MAMLD1: variants seen among roughly 807,000 people sequenced by gnomAD.
The protein encoded by MAMLD1 is mastermind-like domain-containing protein 1.
MAMLD1 carries 14 observed loss-of-function variants against 45.0 expected under a neutral mutation model. That is an observed-to-expected ratio of 0.31 (90% CI 0.21 to 0.49). MAMLD1 has a LOEUF of 0.49. Ranked by LOEUF, MAMLD1 falls within the 20% of genes least tolerant of loss-of-function variation. The pLI is 0.99. For synonymous variants in MAMLD1, 254 were observed against 247.8 expected (o/e 1.02, Z -0.24); for missense variants, 543 against 603.6 (o/e 0.90, Z 1.05).
Position 150,473,800 on chromosome X carries a change from A to G in MAMLD1, c.2038A>G (p.Ile680Val), listed in dbSNP as rs1557406714. Residue 680 changes from isoleucine (I) to valine (V), a missense_variant and splice_region_variant, in exon 5 of 8, where the codon ATT (isoleucine) becomes GTT (valine). Physicochemically the swap from Ile to Val is conservative, Grantham distance 29. Transcript: ENST00000370401. Reference sequence around the variant, plus strand: ...GCCTGGAGACGTGTCACCGTCTAACATTGTGAGCCTTTCTGTTTTGTTTTG... The same window carrying G: ...GCCTGGAGACGTGTCACCGTCTAACGTTGTGAGCCTTTCTGTTTTGTTTTG... ...PQPGDVSPSN[I>V]THVDKACKLG... is the part of the protein sequence containing the mutation. 8.3e-7 allele frequency: 1 copy of G among 1,210,651 alleles called. No individual in the cohort carries two copies. Among genetic ancestry groups the G allele is most frequent in the Non-Finnish European group, 1.1e-6 (1 of 894,433 alleles).
chrX:150,469,653 C>CTGTGTGTGTGTG lies in MAMLD1; in HGVS notation c.172-91_172-90insGTGTGTGTGTGT, dbSNP rs1557406178. On this transcript the variant is annotated intron_variant, in intron 3 of 7. Transcript: ENST00000370401. The stretch of plus-strand genomic sequence containing the variant: ...TCTCTCTGTCTCTCTCTCTCTCTCT[C>CTGTGTGTGTGTG]TCTGTGTGTGTGTGTGTGTGTGTGT... 2.0e-4 allele frequency: 95 copies of CTGTGTGTGTGTG among 483,047 alleles called. No homozygotes were observed. In the African/African-American group the frequency reaches 2.6e-3, roughly 13 times the overall value. The allele number at this position is 483,047 out of a possible 1,213,427, so 39.8% of individuals were successfully genotyped here. A position where few individuals can be genotyped will look rare whatever the true frequency, so the allele number is the denominator to read the frequency against.
At chrX:150,396,071 C>T (rs145438028) in intron 1 of MAMLD1, among the ~76,000 whole-genome samples, 3,077 of 106,009 alleles carry the variant, frequency 0.029, 44 homozygotes, top group East Asian at 0.088. Context: ...TAATCTCAAA[C>T]TTGTGCACTC....
intron 1 of MAMLD1, among the ~76,000 whole-genome samples, chrX:150,396,862 CTA>C (rs1222682828): frequency 8.0e-5 from 9 of 112,025 alleles, no homozygotes; most frequent in Non-Finnish European, 1.7e-4. Flanking sequence ...GAACTCATTG[CTA>C]TGTTATTTCC....
intron 1 of MAMLD1, among the ~76,000 whole-genome samples, chrX:150,403,503 A>G (rs2033873444): frequency 8.9e-6 from 1 of 111,857 alleles, no homozygotes; most frequent in Non-Finnish European, 1.9e-5. Context: ...GCTTGAAATC[A>G]TATTTTTGTA....
chrX:150,423,561 G>A (rs2034601113), intron 1 of MAMLD1, among the ~76,000 whole-genome samples: 1 of 109,994 alleles, frequency 9.1e-6, no homozygotes, highest in East Asian at 2.9e-4. Flanking sequence ...TTAAAGAGGG[G>A]GCCCTTTTCC....
At chrX:150,388,409 G>A (rs1557402098) in intron 1 of MAMLD1, among the ~76,000 whole-genome samples, 1 of 111,759 alleles carries the variant, frequency 8.9e-6, no homozygotes, top group Non-Finnish European at 1.9e-5. Flanking sequence ...TTTTTCAGAA[G>A]AGAATGTGCA....
intron 6 of MAMLD1, among the ~76,000 whole-genome samples, chrX:150,507,200 A>G (rs782536625): frequency 8.9e-6 from 1 of 112,523 alleles, no homozygotes; most frequent in Non-Finnish European, 1.9e-5. Context: ...GCTGTCCTTC[A>G]TAAGAGAGCA....
chrX:150,494,260 G>GGC (rs1557408112), intron 5 of MAMLD1, among the ~76,000 whole-genome samples: 3 of 111,497 alleles, frequency 2.7e-5, no homozygotes, highest in Non-Finnish European at 5.7e-5. Context: ...TGGTCGTGGT[G>GGC]GTGCCTGCCT....
intron 1 of MAMLD1, among the ~76,000 whole-genome samples, chrX:150,389,493 T>C (rs1290297694): frequency 1.8e-5 from 2 of 112,418 alleles, no homozygotes; most frequent in Non-Finnish European, 3.8e-5. Flanking sequence ...TTGATCACAT[T>C]AGAGAATGCT....
chrX:150,440,635 G>A (rs1557404478), intron 1 of MAMLD1, among the ~76,000 whole-genome samples: 1 of 109,045 alleles, frequency 9.2e-6, no homozygotes, highest in African/African-American at 3.3e-5. Context: ...ATTTATATGT[G>A]TATTCATAGT....
intron 1 of MAMLD1, among the ~76,000 whole-genome samples, chrX:150,401,386 G>T (rs1271338926): frequency 9.9e-6 from 1 of 101,180 alleles, no homozygotes. Context: ...CCTCTTCAAG[G>T]AGAACTACAA....
rs782096571 is a variant in MAMLD1, at chrX:150,489,643, T to C, written c.2041-13631T>C. Among the ~76,000 whole-genome samples, 210 of 108,516 alleles carry C rather than the reference T, an allele frequency of 1.9e-3. 1 individual carries two copies. Among genetic ancestry groups the C allele is most frequent in the African/African-American group, 7.0e-3 (207 of 29,722 alleles). The allele number at this position is 108,516 out of a possible 115,157, so 94.2% of individuals were successfully genotyped here. A position where few individuals can be genotyped will look rare whatever the true frequency, so the allele number is the denominator to read the frequency against. Reference sequence around the variant, plus strand: ...ATTATACCACAGCTCTCTCTGTGGTTGTTCACTGGGGCAGTGGGGGTGTGG... The same window carrying C: ...ATTATACCACAGCTCTCTCTGTGGTCGTTCACTGGGGCAGTGGGGGTGTGG... On this transcript the variant is annotated intron_variant, in intron 5 of 7. Transcript: ENST00000370401.
Position 150,513,913 on chromosome X carries a change from T to TG in MAMLD1, c.*1961dup, listed in dbSNP as rs781923038. 1.4e-4 allele frequency: 40 copies of TG among 295,925 alleles called. No homozygotes were observed. The highest frequency in any genetic ancestry group is 2.0e-4 in the Non-Finnish European group (34 of 169,983). The allele number at this position is 295,925 out of a possible 1,213,427, so 24.4% of individuals were successfully genotyped here. A position where few individuals can be genotyped will look rare whatever the true frequency, so the allele number is the denominator to read the frequency against. On this transcript the variant is annotated 3_prime_UTR_variant, in exon 8 of 8. Coordinates refer to ENST00000370401, the MANE Select transcript of MAMLD1 (RefSeq NM_005491.5). ...TGTTTTGATGTAAGGCTCTGTGGTT[T>TG]GGGGGGGAACATCTGTAAACATTAT...
chrX:150,438,350 C>G (rs971958126), intron 1 of MAMLD1, among the ~76,000 whole-genome samples: 7 of 112,326 alleles, frequency 6.2e-5, no homozygotes, highest in African/African-American at 1.9e-4. Flanking sequence ...TTCTTACCAG[C>G]ATTTGGTGTT....
chrX:150,422,474 T>G (rs1732814448), intron 1 of MAMLD1, among the ~76,000 whole-genome samples: 1 of 112,056 alleles, frequency 8.9e-6, no homozygotes, highest in Non-Finnish European at 1.9e-5. Context: ...AATAATGTGA[T>G]CTGTGCTCAC....
chrX:150,411,073 G>C (rs942100580), intron 1 of MAMLD1, among the ~76,000 whole-genome samples: 1 of 111,924 alleles, frequency 8.9e-6, no homozygotes, highest in Non-Finnish European at 1.9e-5. Context: ...GCCCAGGGAA[G>C]TAAAAAATTG....
chrX:150,416,007 C>A (rs1326983728), intron 1 of MAMLD1, among the ~76,000 whole-genome samples: 1 of 111,731 alleles, frequency 9.0e-6, no homozygotes, highest in Non-Finnish European at 1.9e-5. Context: ...TGACTGGGGG[C>A]CCCTGAGAAG....
intron 1 of MAMLD1, among the ~76,000 whole-genome samples, chrX:150,419,915 T>C (rs2034427841): frequency 7.2e-5 from 1 of 13,924 alleles, no homozygotes; most frequent in South Asian, 3.2e-3. Flanking sequence ...CAATTATGTG[T>C]CTTGGAGTTG....
At chrX:150,434,480 A>T (rs1557404195) in intron 1 of MAMLD1, among the ~76,000 whole-genome samples, 1 of 110,538 alleles carries the variant, frequency 9.0e-6, no homozygotes. Context: ...TAGTTACTCT[A>T]CATCTCCTGT....
Sources: gnomAD v4.1 joint callset for allele counts (sites outside exome capture counted in the v4.1 genomes callset) on GRCh38, gnomAD v4.1.1 for gene constraint, MANE v1.5 for transcripts, NCBI Gene and HGNC (gene_info 2026-07-23, HGNC 2026-07-21) for gene names.